IMPDH1: variants seen among roughly 807,000 people sequenced by gnomAD.
The protein encoded by IMPDH1 is inosine monophosphate dehydrogenase 1, also known as inosine-5'-monophosphate dehydrogenase 1.
In IMPDH1, 41 loss-of-function variants were observed where a neutral mutation model predicts 73.5. That is an observed-to-expected ratio of 0.56 (90% CI 0.43 to 0.72). The LOEUF (loss-of-function observed/expected upper bound fraction) is 0.72, where lower values mean the gene tolerates loss of function less well. Ranked by LOEUF, IMPDH1 falls within the 30% of genes least tolerant of loss-of-function variation. The pLI is 0.00. For missense variants in IMPDH1, 645 were observed against 824.8 expected, an observed-to-expected ratio of 0.78 and a Z score of 2.67; for synonymous variants, 318 against 334.3, an observed-to-expected ratio of 0.95 and a Z score of 0.53.
chr7:128,409,037 G>T (rs1437266529), intron 3 of IMPDH1, among the ~76,000 whole-genome samples: 3 of 152,220 alleles, frequency 2.0e-5, no homozygotes, highest in Admixed American at 1.3e-4. Context: ...AGAGAAAGAA[G>T]TCCAAATCCT....
chr7:128,405,923 C>G lies in IMPDH1; in HGVS notation c.255-58G>C, dbSNP rs72624946. 1.4e-4 allele frequency: 204 copies of G among 1,453,036 alleles called. 1 individual carries two copies. In the African/African-American group the frequency reaches 2.6e-3, roughly 18 times the overall value. 90.0% of individuals were successfully genotyped at this position (1,453,036 alleles called of 1,614,324 possible). On this transcript the variant is annotated intron_variant, in intron 3 of 16. Transcript: ENST00000338791. ...CCCGCGCGGCCGCCCGCCGCTGCCG[C>G]CGCTGCTGCTGCTGCTACTGCTGAC...
chr7:128,399,436 G>A (rs1798159447), intron 9 of IMPDH1, among the ~76,000 whole-genome samples: 1 of 151,338 alleles, frequency 6.6e-6, no homozygotes, highest in African/African-American at 2.4e-5. Flanking sequence ...CAGCACTTTG[G>A]GAGGCCCAGG....
intron 3 of IMPDH1, among the ~76,000 whole-genome samples, chr7:128,407,137 C>G (rs1233300490): frequency 1.3e-5 from 2 of 152,208 alleles, no homozygotes; most frequent in East Asian, 3.8e-4. Flanking sequence ...GTGGCTCCCA[C>G]AGCTCACTTG....
chr7:128,400,038 G>T, intron 9 of IMPDH1, 57 bp downstream of exon 9: 1 of 1,319,454 alleles, frequency 7.6e-7, no homozygotes, highest in Non-Finnish European at 1.1e-6. Flanking sequence ...AAGGAACAAC[G>T]GGACTGTGGA....
In IMPDH1 at chr7:128,392,335, A is replaced by C. The variant is rs1350341834; in HGVS notation, c.*672T>G. 1 of 153,306 alleles carries C rather than the reference A, an allele frequency of 6.5e-6. No homozygotes were observed. Among genetic ancestry groups the C allele is most frequent in the Non-Finnish European group, 1.5e-5 (1 of 68,530 alleles). The allele number at this position is 153,306 out of a possible 1,614,324, so 9.5% of individuals were successfully genotyped here. A position where few individuals can be genotyped will look rare whatever the true frequency, so the allele number is the denominator to read the frequency against. On this transcript the variant is annotated 3_prime_UTR_variant, in exon 17 of 17. Transcript: ENST00000338791. ...CAAGTATTTAATACACAATGACGCA[A>C]CTGTGATCCCAAGTGTGCAAAGTTA...
At chr7:128,393,264 G>A (rs896950637) in intron 16 of IMPDH1, among the ~76,000 whole-genome samples, 1 of 152,214 alleles carries the variant, frequency 6.6e-6, no homozygotes, top group East Asian at 1.9e-4. Flanking sequence ...GCTCCTTTGG[G>A]CCATCGCCAC....
In IMPDH1 at chr7:128,395,120, T is replaced by A; in HGVS notation, c.1405+11A>T. The A allele has an allele frequency of 6.2e-7, 1 of 1,613,772 alleles. No individual in the cohort carries two copies. The highest frequency in any genetic ancestry group is 8.5e-7 in the Non-Finnish European group (1 of 1,179,966). On this transcript the variant is annotated intron_variant, in intron 13 of 16. Transcript: ENST00000338791. ...CTCGCCTGCCCAATCCCCAGCACATTCTCCCCTCACCTGTGGAGGCTCCAA... is the reference window on the plus strand; with the variant it reads ...CTCGCCTGCCCAATCCCCAGCACATACTCCCCTCACCTGTGGAGGCTCCAA...
intron 3 of IMPDH1, among the ~76,000 whole-genome samples, chr7:128,408,935 G>A (rs1233739487): frequency 6.6e-6 from 1 of 152,154 alleles, no homozygotes; most frequent in Non-Finnish European, 1.5e-5. Flanking sequence ...CCAACCCCTG[G>A]GCAGAGCTGC....
intron 16 of IMPDH1, 86 bp from the exon 17 acceptor site, chr7:128,393,114 G>T: frequency 7.0e-7 from 1 of 1,433,222 alleles, no homozygotes; most frequent in Non-Finnish European, 9.8e-7. Flanking sequence ...GCCCCCAGAT[G>T]TAGGAGAGAA....
chr7:128,396,887 T>C lies in IMPDH1; in HGVS notation c.1165+45A>G, dbSNP rs770800419. 5.0e-6 allele frequency: 7 copies of C among 1,403,744 alleles called. No individual in the cohort carries two copies. The highest frequency in any genetic ancestry group is 1.2e-5 in the South Asian group (1 of 86,786). The allele number at this position is 1,403,744 out of a possible 1,614,324, so 87.0% of individuals were successfully genotyped here. A position where few individuals can be genotyped will look rare whatever the true frequency, so the allele number is the denominator to read the frequency against. On this transcript the variant is annotated intron_variant, in intron 11 of 16. Transcript: ENST00000338791. The surrounding 1 kb of genome is among the most constrained non-coding windows in gnomAD (Gnocchi z 4.0). ...CTGAAGGACAGAAAAGGGTTACTCA[T>C]TGGAGGGGCAGGAGCAGGCGGGTGG...
intron 3 of IMPDH1, among the ~76,000 whole-genome samples, chr7:128,408,016 C>T (rs1230473696): frequency 1.3e-5 from 2 of 151,010 alleles, no homozygotes; most frequent in Non-Finnish European, 1.5e-5. Flanking sequence ...CCAGAGACTC[C>T]GCTAATCCAC....
In IMPDH1 at chr7:128,396,282, A is replaced by G. The variant is rs544329268; in HGVS notation, c.1261+318T>C. 1.3e-5 allele frequency among the ~76,000 whole-genome samples: 2 copies of G among 152,346 alleles called. No homozygotes were observed. The highest frequency in any genetic ancestry group is 4.1e-4 in the South Asian group (2 of 4,832). ...GGGACATGTCGTCTCTGTGTCTTAA[A>G]TATCTGCCTTGTCACAAATCAAATC... On this transcript the variant is annotated intron_variant, in intron 12 of 16. Coordinates refer to ENST00000338791, the MANE Select transcript of IMPDH1 (RefSeq NM_000883.4). This position sits in a 1 kb window ranked among gnomAD's most constrained non-coding sequence, Gnocchi z 4.0.
rs1797734315 is a variant in IMPDH1 at position 128,394,144 on chromosome 7, C to T, written c.1778+134G>A. On this transcript the variant is annotated intron_variant, in intron 16 of 16. Transcript: ENST00000338791. The surrounding 1 kb of genome is among the most constrained non-coding windows in gnomAD (Gnocchi z 5.5). ...GGCCCCCGAAGAGAGGGTGAGGGGC[C>T]ATCCTGCAGCAGCATCTGTCCCTGC... is the stretch of plus-strand genomic sequence containing the variant. 2.7e-6 allele frequency: 2 copies of T among 744,096 alleles called. No individual in the cohort carries two copies. Among genetic ancestry groups the T allele is most frequent in the African/African-American group, 1.7e-5 (1 of 57,756 alleles). The allele number at this position is 744,096 out of a possible 1,614,324, so 46.1% of individuals were successfully genotyped here.
chr7:128,409,754 A>C lies in IMPDH1; in HGVS notation c.146+2T>G, dbSNP rs1354063885. Reference sequence around the variant, plus strand: ...CCCCGCGCGCTCTGCCCTGGGCGTCACCTCTCGGGCTCGTAGCCGGCCTGC... The same window carrying C: ...CCCCGCGCGCTCTGCCCTGGGCGTCCCCTCTCGGGCTCGTAGCCGGCCTGC... On this transcript the variant is annotated splice_donor_variant, in intron 1 of 16. Coordinates refer to ENST00000338791, the MANE Select transcript of IMPDH1 (RefSeq NM_000883.4). LOFTEE classifies it high-confidence loss of function. 3.3e-6 allele frequency: 5 copies of C among 1,522,976 alleles called. No homozygotes were observed. The highest frequency in any genetic ancestry group is 3.5e-6 in the Non-Finnish European group (4 of 1,141,440). The allele number at this position is 1,522,976 out of a possible 1,614,324, so 94.3% of individuals were successfully genotyped here. A position where few individuals can be genotyped will look rare whatever the true frequency, so the allele number is the denominator to read the frequency against.
chr7:128,400,907 AG>A lies in IMPDH1; in HGVS notation c.505-17del, dbSNP rs1371533530. The A allele has an allele frequency of 5.6e-6, 9 of 1,612,336 alleles. No individual in the cohort carries two copies. Among genetic ancestry groups the A allele is most frequent in the Non-Finnish European group, 5.9e-6 (7 of 1,178,428 alleles). Reference sequence around the variant, plus strand: ...CTCCCATCAGCTGATGTAGAAGGGAAGTGTGGTCAGAGCCGGGGCCCATTCC... The same window carrying A: ...CTCCCATCAGCTGATGTAGAAGGGAATGTGGTCAGAGCCGGGGCCCATTCC... On this transcript the variant is annotated splice_polypyrimidine_tract_variant and intron_variant, in intron 6 of 16. Transcript: ENST00000338791.
In IMPDH1 at chr7:128,395,253, T is replaced by A; in HGVS notation, c.1283A>T (p.Gln428Leu). 6.2e-7 allele frequency: 1 copy of A among 1,613,536 alleles called. No individual in the cohort carries two copies. The highest frequency in any genetic ancestry group is 8.5e-7 in the Non-Finnish European group (1 of 1,180,040). Residue 428 changes from glutamine to leucine, a missense_variant, in exon 13 of 17, where the codon CAG becomes CTG. Physicochemically the swap from Gln to Leu is moderately radical, Grantham distance 113. Transcript: ENST00000338791. ...TQEVMACGRP[Q>L]GTAVYKVAEY... ...AGCCACCTTGTACACAGCAGTGCCCTGGGGCCGACCACAGGCCATCACTGG... is the reference window on the plus strand; with the variant it reads ...AGCCACCTTGTACACAGCAGTGCCCAGGGGCCGACCACAGGCCATCACTGG...
chr7:128,395,119 T>A lies in IMPDH1; in HGVS notation c.1405+12A>T. On this transcript the variant is annotated intron_variant, in intron 13 of 16. Transcript: ENST00000338791. ...CCTCGCCTGCCCAATCCCCAGCACA[T>A]TCTCCCCTCACCTGTGGAGGCTCCA... 4 of 1,613,886 alleles carry A rather than the reference T, an allele frequency of 2.5e-6. No individual in the cohort carries two copies. The highest frequency in any genetic ancestry group is 3.4e-6 in the Non-Finnish European group (4 of 1,179,994).
chr7:128,398,527 C>T lies in IMPDH1; in HGVS notation c.961G>A (p.Ala321Thr), dbSNP rs1345883993. 2 of 1,613,746 alleles carry T rather than the reference C, an allele frequency of 1.2e-6. No individual in the cohort carries two copies. The highest frequency in any genetic ancestry group is 1.7e-5 in the Admixed American group (1 of 60,008). ...AGCTGCTTCTGGGAATCCTTGGAGGCCAGAGGGTAGTCTCGGTTCTTCTTC... is the reference window on the plus strand; with the variant it reads ...AGCTGCTTCTGGGAATCCTTGGAGGTCAGAGGGTAGTCTCGGTTCTTCTTC... ...DLKKNRDYPL[A>T]SKDSQKQLLC... The change falls in exon 10 of 17, where the codon GCC becomes ACC. Residue 321 changes from alanine (A) to threonine (T), a missense_variant. Ala to Thr is a moderately conservative substitution (Grantham distance 58). Transcript: ENST00000338791. This position sits in a 1 kb window ranked among gnomAD's most constrained non-coding sequence, Gnocchi z 4.3.
At position 128,405,749 on chromosome 7, in the gene IMPDH1, A is replaced by AC. The variant is rs2116716104; in HGVS notation, c.353+17dup. 1 of 1,532,252 alleles carries AC rather than the reference A, an allele frequency of 6.5e-7. No homozygotes were observed. The highest frequency in any genetic ancestry group is 2.5e-5 in the East Asian group (1 of 39,298). 94.9% of individuals were successfully genotyped at this position (1,532,252 alleles called of 1,614,324 possible). The stretch of plus-strand genomic sequence containing the variant: ...CGCGTGGATGCGCGCACCTAGGGGT[A>AC]CGAGACCCGGCGCTTACTTGTAGGT... On this transcript the variant is annotated intron_variant, in intron 4 of 16. Transcript: ENST00000338791.
Sources: allele counts gnomAD v4.1 joint callset (sites outside exome capture counted in the v4.1 genomes callset), GRCh38; gene constraint gnomAD v4.1.1; non-coding constraint Gnocchi (gnomAD v3.1); transcripts MANE v1.5; gene names NCBI Gene and HGNC (gene_info 2026-07-23, HGNC 2026-07-21).